The following MALT1 variants were observed in gnomAD, a reference collection of about 807,000 sequenced individuals.
MALT1 encodes the protein mucosa-associated lymphoid tissue lymphoma translocation protein 1.
In MALT1, 36 loss-of-function variants were observed where a neutral mutation model predicts 85.5. The observed-to-expected ratio is 0.42, with a 90% CI of 0.32 to 0.56. The LOEUF (loss-of-function observed/expected upper bound fraction) is 0.56, where lower values mean the gene tolerates loss of function less well. Ranked by LOEUF, MALT1 falls within the 20% of genes least tolerant of loss-of-function variation. The probability of loss-of-function intolerance (pLI) is 0.10; values close to 1 mark genes in which losing one functional copy is unlikely to be tolerated. For synonymous variants in MALT1, 359 were observed against 361.3 expected (o/e 0.99, Z 0.07); for missense variants, 716 against 981.6 (o/e 0.73, Z 3.62).
At chr18:58,695,570 T>C (rs1235168918) in intron 2 of MALT1, among the ~76,000 whole-genome samples, 1 of 152,230 alleles carries the variant, frequency 6.6e-6, no homozygotes, top group Non-Finnish European at 1.5e-5. Context: ...GAAGACGTTT[T>C]CAATGGTGTT....
At chr18:58,746,053 T>C (rs2055362885) in intron 16 of MALT1, among the ~76,000 whole-genome samples, 1 of 152,162 alleles carries the variant, frequency 6.6e-6, no homozygotes, top group African/African-American at 2.4e-5. Flanking sequence ...GTCTTAACTC[T>C]GTCACCCAGG....
At chr18:58,737,957 C>A (rs528338510) in intron 13 of MALT1, among the ~76,000 whole-genome samples, 3 of 152,330 alleles carry the variant, frequency 2.0e-5, no homozygotes, top group Admixed American at 2.0e-4. Flanking sequence ...CTACAGCCAT[C>A]AATCTGTAAC....
intron 2 of MALT1, among the ~76,000 whole-genome samples, chr18:58,685,462 C>T (rs144037541): frequency 3.9e-5 from 6 of 152,298 alleles, no homozygotes; most frequent in Admixed American, 3.3e-4. Flanking sequence ...TTTTGAGAAA[C>T]TGACCAAGTT....
intron 1 of MALT1, among the ~76,000 whole-genome samples, chr18:58,674,832 G>A (rs1177144534): frequency 1.3e-5 from 2 of 152,138 alleles, no homozygotes; most frequent in African/African-American, 2.4e-5. Context: ...CTAGAATCTC[G>A]AAATGTTGCC....
intron 2 of MALT1, among the ~76,000 whole-genome samples, chr18:58,686,493 A>G (rs2054405480): frequency 6.6e-6 from 1 of 152,160 alleles, no homozygotes; most frequent in Non-Finnish European, 1.5e-5. Flanking sequence ...GAGAACTAGC[A>G]TTGTTGATGT....
chr18:58,740,003 TAGA>T (rs1007955881), intron 13 of MALT1, among the ~76,000 whole-genome samples: 6 of 152,240 alleles, frequency 3.9e-5, no homozygotes, highest in African/African-American at 1.4e-4. Context: ...ATTTTTTTGG[TAGA>T]AGATTTTTAA....
chr18:58,714,139 T>G (rs755864480), intron 8 of MALT1, 30 bp downstream of exon 8: 1 of 1,172,278 alleles, frequency 8.5e-7, no homozygotes, highest in East Asian at 2.5e-5. Context: ...AACTTTAGTT[T>G]TAGATTTTTA....
chr18:58,682,981 A>G (rs2144314995), intron 2 of MALT1, among the ~76,000 whole-genome samples: 2 of 152,178 alleles, frequency 1.3e-5, no homozygotes, highest in Middle Eastern at 3.4e-3. Flanking sequence ...TGCTAATGCC[A>G]CCCTCCCAAA....
At chr18:58,699,359 TG>T (rs1568133410) in intron 3 of MALT1, among the ~76,000 whole-genome samples, 1 of 152,194 alleles carries the variant, frequency 6.6e-6, no homozygotes, top group African/African-American at 2.4e-5. Flanking sequence ...ATAGTAGGAT[TG>T]TCAGGCAGTT....
intron 10 of MALT1, among the ~76,000 whole-genome samples, chr18:58,728,730 A>C (rs1187518502): frequency 1.3e-5 from 2 of 152,248 alleles, no homozygotes; most frequent in Admixed American, 6.5e-5. Flanking sequence ...CACTTTTCGT[A>C]AGACATTTTG....
At chr18:58,707,512 G>T (rs1056273430) in intron 4 of MALT1, among the ~76,000 whole-genome samples, 1 of 151,992 alleles carries the variant, frequency 6.6e-6, no homozygotes, top group Non-Finnish European at 1.5e-5. Context: ...TGCCATGGTG[G>T]TTTGCTGCAC....
chr18:58,678,749 C>T (rs541313047), intron 1 of MALT1, among the ~76,000 whole-genome samples: 2 of 152,282 alleles, frequency 1.3e-5, no homozygotes, highest in Admixed American at 1.3e-4. Flanking sequence ...GATAGAGACT[C>T]TATGGCCCAG....
chr18:58,726,628 A>C (rs1050819348), intron 10 of MALT1, among the ~76,000 whole-genome samples: 5 of 152,266 alleles, frequency 3.3e-5, no homozygotes, highest in African/African-American at 1.2e-4. Flanking sequence ...AAACATAAAA[A>C]ACAGAAACCA....
At chr18:58,682,277 A>G (rs2054333791) in intron 2 of MALT1, among the ~76,000 whole-genome samples, 1 of 152,206 alleles carries the variant, frequency 6.6e-6, no homozygotes, top group African/African-American at 2.4e-5. Flanking sequence ...GGAATTAGGA[A>G]CACATGGTAT....
chr18:58,735,149 C>T, intron 12 of MALT1, 53 bp from the exon 13 acceptor site: 1 of 1,463,980 alleles, frequency 6.8e-7, no homozygotes, highest in Non-Finnish European at 9.3e-7. Context: ...TAAGTGAGAA[C>T]ATACAGTATT....
At chr18:58,720,664 T>C (rs2054970558) in intron 9 of MALT1, among the ~76,000 whole-genome samples, 1 of 152,214 alleles carries the variant, frequency 6.6e-6, no homozygotes, top group South Asian at 2.1e-4. Context: ...TGATTTGATA[T>C]CAGCAAAAAC....
Position 58,750,947 on chromosome 18 carries a change from G to A in MALT1, c.*3105G>A, listed in dbSNP as rs2055437860. 1 of 152,180 alleles carries A rather than the reference G, an allele frequency of 6.6e-6. No individual in the cohort carries two copies. Among genetic ancestry groups the A allele is most frequent in the African/African-American group, 2.4e-5 (1 of 41,428 alleles). The allele number at this position is 152,180 out of a possible 1,614,324, so 9.4% of individuals were successfully genotyped here. On this transcript the variant is annotated 3_prime_UTR_variant, in exon 17 of 17. Coordinates refer to ENST00000649217, the MANE Select transcript of MALT1 (RefSeq NM_006785.4). ...AGTGAAGTTAACCCTCAGAATGGGA[G>A]AAAAATTTTTGAAAAATCATGTATC...
At position 58,752,866 on chromosome 18, in the gene MALT1, T is replaced by C. The variant is rs1406844647; in HGVS notation, c.*5024T>C. ...AAAATGTGTAAATGTGCATATTCTC[T>C]TTTTTTCTAATTTGGTAGCATTAAA... On this transcript the variant is annotated 3_prime_UTR_variant, in exon 17 of 17. Coordinates refer to ENST00000649217, the MANE Select transcript of MALT1 (RefSeq NM_006785.4). 6.6e-6 allele frequency: 1 copy of C among 152,160 alleles called. No individual in the cohort carries two copies. The highest frequency in any genetic ancestry group is 1.9e-4 in the East Asian group (1 of 5,196). The allele number at this position is 152,160 out of a possible 1,614,324, so 9.4% of individuals were successfully genotyped here. A position where few individuals can be genotyped will look rare whatever the true frequency, so the allele number is the denominator to read the frequency against.
chr18:58,719,444 T>C (rs1486310586), intron 9 of MALT1, among the ~76,000 whole-genome samples: 1 of 152,172 alleles, frequency 6.6e-6, no homozygotes, highest in Non-Finnish European at 1.5e-5. Flanking sequence ...TCTCCCTCTT[T>C]CCTTTGGTTC....
Sources: allele counts gnomAD v4.1 joint callset (sites outside exome capture counted in the v4.1 genomes callset), GRCh38; gene constraint gnomAD v4.1.1; transcripts MANE v1.5; gene names NCBI Gene and HGNC (gene_info 2026-07-23, HGNC 2026-07-21).